Variants in NRCAM observed in about 807,000 individuals in gnomAD.
The protein encoded by NRCAM is NgCAM-related cell adhesion molecule.
NRCAM carries 83 observed loss-of-function variants against 156.5 expected under a neutral mutation model. The ratio of observed to expected loss-of-function variants is 0.53; its 90% CI spans 0.44 to 0.64. NRCAM has a LOEUF of 0.64. Among genes scored for constraint, NRCAM ranks in the 30% least tolerant of loss-of-function variants. The probability of loss-of-function intolerance (pLI) is 0.00; values close to 1 mark genes in which losing one functional copy is unlikely to be tolerated. For synonymous variants in NRCAM, 538 were observed against 563.9 expected (o/e 0.95, Z 0.65); for missense variants, 1,417 against 1,597.3 (o/e 0.89, Z 1.92).
intron 13 of NRCAM, among the ~76,000 whole-genome samples, chr7:108,201,847 C>A (rs996279433): frequency 2.0e-5 from 3 of 152,102 alleles, no homozygotes; most frequent in Non-Finnish European, 4.4e-5. Context: ...TATTTAGGAA[C>A]AAAATAAACC....
At chr7:108,398,500 G>A (rs1417789818) in intron 2 of NRCAM, among the ~76,000 whole-genome samples, 1 of 152,118 alleles carries the variant, frequency 6.6e-6, no homozygotes, top group African/African-American at 2.4e-5. Flanking sequence ...ACTTCCAGCT[G>A]ATAACACCTC....
intron 3 of NRCAM, among the ~76,000 whole-genome samples, chr7:108,298,787 AT>A (rs1477968423): frequency 1.3e-5 from 2 of 151,710 alleles, no homozygotes; most frequent in African/African-American, 4.8e-5. Flanking sequence ...CTTCAAGACT[AT>A]TTATCTTCCA....
At chr7:108,299,114 A>AAAAAAAAGAAAGAAAG in intron 3 of NRCAM, among the ~76,000 whole-genome samples, 1 of 25,530 alleles carries the variant, frequency 3.9e-5, no homozygotes, top group Non-Finnish European at 8.0e-5. Flanking sequence ...TCAAAAAAAA[A>AAAAAAAAGAAAGAAAG]AAAGAAAGAA....
intron 1 of NRCAM, among the ~76,000 whole-genome samples, chr7:108,408,581 A>T (rs376313078): frequency 1.3e-5 from 2 of 152,260 alleles, no homozygotes; most frequent in African/African-American, 4.8e-5. Flanking sequence ...CTTCACATAC[A>T]GATACCAAGA....
chr7:108,370,954 A>T (rs1241745656), intron 2 of NRCAM, among the ~76,000 whole-genome samples: 6 of 152,110 alleles, frequency 3.9e-5, no homozygotes, highest in African/African-American at 1.4e-4. Flanking sequence ...TAATGTTCTG[A>T]TGTTATCCAC....
At chr7:108,294,193 G>GTTTTTTTTT (rs56717039) in intron 3 of NRCAM, among the ~76,000 whole-genome samples, 2 of 87,932 alleles carry the variant, frequency 2.3e-5, no homozygotes, top group Non-Finnish European at 4.2e-5. Context: ...TTCTTTACTG[G>GTTTTTTTTT]TTTTTTTTTT....
Position 108,150,120 on chromosome 7 carries a change from T to C in NRCAM, c.3705A>G (p.Lys1235=), listed in dbSNP as rs1425750939. ...TGTCTGAAGGAGTTCGACTTCCTTT[T>C]TTCAAAGGCTTGTGGTCTTCTGCAT... ...YSDAEDHKPL[K]KGSRTPSDRT... The change falls in exon 33 of 33, where the codon AAA becomes AAG. Residue 1235 remains lysine, a synonymous_variant. Transcript: ENST00000379028. 1 of 1,611,704 alleles carries C rather than the reference T, an allele frequency of 6.2e-7. No homozygotes were observed. The highest frequency in any genetic ancestry group is 1.3e-5 in the African/African-American group (1 of 74,758).
At chr7:108,338,388 CTA>C (rs1365030078) in intron 2 of NRCAM, among the ~76,000 whole-genome samples, 1 of 152,168 alleles carries the variant, frequency 6.6e-6, no homozygotes, top group African/African-American at 2.4e-5. Context: ...TAAGGAAGCT[CTA>C]CACTGTATCC....
intron 2 of NRCAM, among the ~76,000 whole-genome samples, chr7:108,324,874 G>C (rs2099047795): frequency 9.6e-6 from 1 of 104,480 alleles, no homozygotes; most frequent in African/African-American, 3.7e-5. Flanking sequence ...ATTTGGCACT[G>C]TACTTTTTTT....
chr7:108,304,919 T>A (rs1027691429), intron 3 of NRCAM, among the ~76,000 whole-genome samples: 1 of 152,226 alleles, frequency 6.6e-6, no homozygotes, highest in Non-Finnish European at 1.5e-5. Flanking sequence ...AAGTCTATTA[T>A]AATGTAGGTA....
chr7:108,444,131 A>G (rs913203625), intron 1 of NRCAM, among the ~76,000 whole-genome samples: 2 of 152,214 alleles, frequency 1.3e-5, no homozygotes, highest in Non-Finnish European at 1.5e-5. Flanking sequence ...AAAACAATAT[A>G]GTGTAAGAAC....
intron 32 of NRCAM, 100 bp downstream of exon 32, chr7:108,159,363 A>G: frequency 9.9e-7 from 1 of 1,009,056 alleles, no homozygotes; most frequent in Non-Finnish European, 1.6e-6. Context: ...ATTTGAGGAA[A>G]ATATGAGATG....
chr7:108,218,514 C>T (rs574595675), intron 11 of NRCAM, among the ~76,000 whole-genome samples: 5 of 152,282 alleles, frequency 3.3e-5, no homozygotes, highest in African/African-American at 1.2e-4. Context: ...AGCACTCTCT[C>T]AGACCACAGT....
intron 27 of NRCAM, 32 bp from the exon 28 acceptor site, chr7:108,175,389 A>G: frequency 2.6e-6 from 4 of 1,539,536 alleles, no homozygotes; most frequent in East Asian, 2.4e-5. Flanking sequence ...ATAGGACACT[A>G]TATAGTTAGA....
intron 2 of NRCAM, among the ~76,000 whole-genome samples, chr7:108,370,990 A>G (rs17155597): frequency 0.032 from 4,885 of 152,244 alleles, 273 homozygotes; most frequent in African/African-American, 0.11. Flanking sequence ...TCTTTAAAAC[A>G]CTGAGAAATT....
chr7:108,163,686 T>G (rs1343146377), intron 30 of NRCAM, among the ~76,000 whole-genome samples: 1 of 151,680 alleles, frequency 6.6e-6, no homozygotes, highest in Non-Finnish European at 1.5e-5. Flanking sequence ...TAATGAGAGG[T>G]CACGTCTGGT....
At chr7:108,153,673 G>A (rs184065570) in intron 32 of NRCAM, among the ~76,000 whole-genome samples, 1 of 152,186 alleles carries the variant, frequency 6.6e-6, no homozygotes, top group Admixed American at 6.5e-5. Context: ...TGATATGATT[G>A]TGCATATAAA....
intron 2 of NRCAM, among the ~76,000 whole-genome samples, chr7:108,347,229 G>C (rs117439879): frequency 0.075 from 11,336 of 151,606 alleles, 433 homozygotes; most frequent in East Asian, 0.11. Context: ...ATAGAGATGG[G>C]ATTTCACCGT....
chr7:108,378,370 T>G (rs1269344284), intron 2 of NRCAM, among the ~76,000 whole-genome samples: 1 of 151,652 alleles, frequency 6.6e-6, no homozygotes, highest in African/African-American at 2.4e-5. Context: ...GTAAAAAGAT[T>G]AATAGAGAAC....
Sources: gnomAD v4.1 joint callset for allele counts (sites outside exome capture counted in the v4.1 genomes callset) on GRCh38, gnomAD v4.1.1 for gene constraint, MANE v1.5 for transcripts, NCBI Gene and HGNC (gene_info 2026-07-23, HGNC 2026-07-21) for gene names.